The following FHIT variants were observed in gnomAD, a reference collection of about 807,000 sequenced individuals.
FHIT encodes bis(5'-adenosyl)-triphosphatase.
A neutral mutation model predicts 17.9 loss-of-function variants in FHIT; 19 were observed. The observed-to-expected ratio is 1.06, with a 90% CI of 0.74 to 1.56. The LOEUF (loss-of-function observed/expected upper bound fraction) is 1.56. Ranked by LOEUF, FHIT falls within the 40% of genes most tolerant of loss-of-function variation. The pLI, the probability that FHIT is intolerant of heterozygous loss-of-function variation, is 0.00. For synonymous variants in FHIT, 81 were observed against 69.7 expected, an observed-to-expected ratio of 1.16 and a Z score of -0.81; for missense variants, 248 against 189.2, an observed-to-expected ratio of 1.31 and a Z score of -1.82.
chr3:61,191,136 C>T (rs1031661015), intron 2 of FHIT, among the ~76,000 whole-genome samples: 1 of 151,884 alleles, frequency 6.6e-6, no homozygotes, highest in Non-Finnish European at 1.5e-5. Context: ...ACAGGTAAAG[C>T]CCTGTGCTGG....
At chr3:60,397,127 G>C (rs1701477159) in intron 5 of FHIT, among the ~76,000 whole-genome samples, 1 of 152,170 alleles carries the variant, frequency 6.6e-6, no homozygotes, top group African/African-American at 2.4e-5. Context: ...TGTGAAGGTA[G>C]TATTCTCTCT....
At chr3:61,134,686 C>T (rs1315717920) in intron 2 of FHIT, among the ~76,000 whole-genome samples, 2 of 152,006 alleles carry the variant, frequency 1.3e-5, no homozygotes, top group East Asian at 1.9e-4. Context: ...TGAGAGATGA[C>T]TCCAGGAAGC....
At chr3:59,881,893 T>C (rs192303743) in intron 8 of FHIT, among the ~76,000 whole-genome samples, 13 of 152,276 alleles carry the variant, frequency 8.5e-5, no homozygotes, top group Non-Finnish European at 1.8e-4. Flanking sequence ...TGTGCCAGTT[T>C]TCTCTCCAAT....
chr3:60,190,343 T>G (rs1576281185), intron 5 of FHIT, among the ~76,000 whole-genome samples: 3 of 141,232 alleles, frequency 2.1e-5, no homozygotes. Flanking sequence ...AGAGTGGGAG[T>G]GAGATGAGAC....
intron 5 of FHIT, among the ~76,000 whole-genome samples, chr3:60,446,990 A>T (rs544535686): frequency 6.6e-6 from 1 of 152,018 alleles, no homozygotes; most frequent in South Asian, 2.1e-4. Context: ...GGCAGACCCA[A>T]ACTTCTATGC....
intron 4 of FHIT, among the ~76,000 whole-genome samples, chr3:60,584,287 T>G (rs930715817): frequency 6.6e-6 from 1 of 151,984 alleles, no homozygotes; most frequent in African/African-American, 2.4e-5. Context: ...TGTTACAAAT[T>G]AGGCTTTTTT....
intron 5 of FHIT, among the ~76,000 whole-genome samples, chr3:60,521,391 G>A (rs1307500676): frequency 6.6e-6 from 1 of 151,984 alleles, no homozygotes; most frequent in Non-Finnish European, 1.5e-5. Flanking sequence ...GGGACTACAG[G>A]CGCCCGCCAC....
intron 4 of FHIT, among the ~76,000 whole-genome samples, chr3:60,539,275 G>T (rs562672382): frequency 5.3e-5 from 8 of 152,228 alleles, no homozygotes; most frequent in South Asian, 2.1e-4. Context: ...ATGGCGATCA[G>T]TAAAAAGTCA....
chr3:60,804,429 G>C (rs912217521), intron 4 of FHIT, among the ~76,000 whole-genome samples: 6 of 152,186 alleles, frequency 3.9e-5, no homozygotes, highest in Non-Finnish European at 5.9e-5. Context: ...GGGCTCTGGA[G>C]CCAGGATGCC....
intron 6 of FHIT, 44 bp from the exon 7 acceptor site, chr3:60,011,444 G>GT (rs1559547177): frequency 6.6e-7 from 1 of 1,511,146 alleles, no homozygotes; most frequent in East Asian, 2.3e-5. Flanking sequence ...TAGATAGATG[G>GT]TATCTCCTGC....
At chr3:60,909,922 A>T (rs1176415052) in intron 3 of FHIT, among the ~76,000 whole-genome samples, 3 of 152,144 alleles carry the variant, frequency 2.0e-5, no homozygotes, top group Non-Finnish European at 4.4e-5. Context: ...GCTCCCTGAA[A>T]AGACCTGAAA....
intron 4 of FHIT, among the ~76,000 whole-genome samples, chr3:60,746,501 G>A (rs954984168): frequency 2.6e-5 from 4 of 152,224 alleles, no homozygotes; most frequent in South Asian, 2.1e-4. Flanking sequence ...ACATGGGTTC[G>A]GACGATCATT....
intron 7 of FHIT, among the ~76,000 whole-genome samples, chr3:59,978,334 C>G (rs1708503279): frequency 6.6e-6 from 1 of 151,988 alleles, no homozygotes; most frequent in South Asian, 2.1e-4. Flanking sequence ...CAATTACAAC[C>G]TTATTTAAAA....
At chr3:60,237,261 C>CT (rs1491397783) in intron 5 of FHIT, among the ~76,000 whole-genome samples, 3 of 123,572 alleles carry the variant, frequency 2.4e-5, no homozygotes, top group South Asian at 5.2e-4. Context: ...TTTGTTTTTC[C>CT]ATTTTTTTTT....
intron 5 of FHIT, among the ~76,000 whole-genome samples, chr3:60,370,684 C>T (rs963742333): frequency 6.6e-6 from 1 of 152,144 alleles, no homozygotes; most frequent in Non-Finnish European, 1.5e-5. Context: ...GAGCTTCCTC[C>T]TTTAATTATA....
intron 8 of FHIT, among the ~76,000 whole-genome samples, chr3:59,799,069 T>G (rs1468626238): frequency 6.6e-6 from 1 of 151,584 alleles, no homozygotes; most frequent in Non-Finnish European, 1.5e-5. Context: ...TTTCCTGCCC[T>G]TTGGAAGATT....
intron 3 of FHIT, among the ~76,000 whole-genome samples, chr3:61,009,734 A>G (rs962254713): frequency 6.6e-6 from 1 of 151,968 alleles, no homozygotes; most frequent in African/African-American, 2.4e-5. Flanking sequence ...CCTTTTTGGT[A>G]TTATTAAGAA....
At chr3:60,978,134 C>A (rs188721221) in intron 3 of FHIT, among the ~76,000 whole-genome samples, 1 of 152,270 alleles carries the variant, frequency 6.6e-6, no homozygotes, top group East Asian at 1.9e-4. Context: ...AACACCTGGG[C>A]AATCATCAAC....
chr3:59,802,249 G>A (rs866994689), intron 8 of FHIT, among the ~76,000 whole-genome samples: 10 of 151,956 alleles, frequency 6.6e-5, no homozygotes, highest in Admixed American at 2.6e-4. Context: ...TAGCCAAAGC[G>A]TCTGCCCTAT....
Sources: gnomAD v4.1 joint callset for allele counts (sites outside exome capture counted in the v4.1 genomes callset) on GRCh38, gnomAD v4.1.1 for gene constraint, MANE v1.5 for transcripts, NCBI Gene and HGNC (gene_info 2026-07-23, HGNC 2026-07-21) for gene names.